Variants in STAP1 observed in about 807,000 individuals in gnomAD.
The protein encoded by STAP1 is signal transducing adaptor family member 1.
A neutral mutation model predicts 37.8 loss-of-function variants in STAP1; 30 were observed. That is an observed-to-expected ratio of 0.79 (90% CI 0.59 to 1.08). STAP1 has a LOEUF of 1.08. Among genes scored for constraint, STAP1 ranks in the 50% least tolerant of loss-of-function variants. STAP1 has a pLI of 0.00. For synonymous variants in STAP1, 130 were observed against 116.0 expected (o/e 1.12, Z -0.78); for missense variants, 357 against 349.4 (o/e 1.02, Z -0.17).
intron 8 of STAP1, among the ~76,000 whole-genome samples, chr4:67,600,870 C>T (rs539808402): frequency 5.3e-5 from 8 of 152,006 alleles, no homozygotes; most frequent in African/African-American, 1.5e-4. Flanking sequence ...TGTCTTTATA[C>T]GTGAAGTATG....
At chr4:67,576,307 T>C (rs1469902773) in intron 3 of STAP1, among the ~76,000 whole-genome samples, 1 of 152,182 alleles carries the variant, frequency 6.6e-6, no homozygotes, top group Non-Finnish European at 1.5e-5. Flanking sequence ...CTATAAAATT[T>C]ACTATTATGT....
chr4:67,596,544 A>G (rs1159104337), intron 8 of STAP1, among the ~76,000 whole-genome samples: 1 of 152,208 alleles, frequency 6.6e-6, no homozygotes, highest in Admixed American at 6.5e-5. Flanking sequence ...GGAACTTTCT[A>G]GAGACTTATT....
intron 1 of STAP1, among the ~76,000 whole-genome samples, chr4:67,568,141 A>C (rs955490392): frequency 7.2e-5 from 11 of 152,236 alleles, no homozygotes; most frequent in African/African-American, 1.4e-4. Flanking sequence ...TAGAGTCGTC[A>C]TTATTTGAGA....
chr4:67,570,279 C>T (rs886104286), intron 1 of STAP1, among the ~76,000 whole-genome samples: 3 of 152,008 alleles, frequency 2.0e-5, no homozygotes, highest in African/African-American at 7.2e-5. Flanking sequence ...ATTATATGTC[C>T]TATATTTTTG....
intron 4 of STAP1, among the ~76,000 whole-genome samples, 175 bp from the exon 5 acceptor site, chr4:67,581,130 G>A (rs939880904): frequency 6.6e-6 from 1 of 152,154 alleles, no homozygotes; most frequent in Non-Finnish European, 1.5e-5. Context: ...GTGCAGAGGC[G>A]GTTCTGAAAC....
rs750370913 is a variant in STAP1 at position 67,583,720 on chromosome 4, A to T, written c.659+18A>T. ...GAGATAGAGTATGTTTATTTTTTTT[A>T]AATGTATGGAATTTTTAAAAGCGTG... On this transcript the variant is annotated intron_variant, in intron 6 of 8. Coordinates refer to ENST00000265404, the MANE Select transcript of STAP1 (RefSeq NM_012108.4). 20 of 1,603,676 alleles carry T rather than the reference A, an allele frequency of 1.2e-5. No individual in the cohort carries two copies. The highest frequency in any genetic ancestry group is 1.1e-4 in the South Asian group (10 of 89,370).
At chr4:67,599,160 T>G (rs928701782) in intron 8 of STAP1, among the ~76,000 whole-genome samples, 12 of 152,220 alleles carry the variant, frequency 7.9e-5, no homozygotes, top group African/African-American at 2.9e-4. Context: ...ATCAGAGATA[T>G]TGGCTTGTAG....
At position 67,593,355 on chromosome 4, in the gene STAP1, T is replaced by C; in HGVS notation, c.825T>C (p.Thr275=). The C allele has an allele frequency of 6.3e-7, 1 of 1,597,794 alleles. No homozygotes were observed. The change falls in exon 8 of 9, where the codon ACT becomes ACC. Residue 275 remains threonine (T), a splice_region_variant and synonymous_variant. Transcript: ENST00000265404. ...TTATATGTTCAACTGATGAAAACAC[T>C]GGTATGTTTTTCACTTCATTGCTAT... is the stretch of plus-strand genomic sequence containing the variant. ...RPFICSTDEN[T]GQEPSMEGRS... is the part of the protein sequence containing the mutation.
chr4:67,587,944 G>A lies in STAP1; in HGVS notation c.660-2940G>A, dbSNP rs545303780. On this transcript the variant is annotated intron_variant, in intron 6 of 8. Coordinates refer to ENST00000265404, the MANE Select transcript of STAP1 (RefSeq NM_012108.4). Reference sequence around the variant, plus strand: ...TCTCCATGTTGGTCAGGCTGGTCTCGAACTCCTGACCTCAGATGATCCGCC... The same window carrying A: ...TCTCCATGTTGGTCAGGCTGGTCTCAAACTCCTGACCTCAGATGATCCGCC... Among the ~76,000 whole-genome samples the A allele has an allele frequency of 7.5e-4, 108 of 144,360 alleles. 1 individual carries two copies. The highest frequency in any genetic ancestry group is 2.4e-3 in the African/African-American group (95 of 38,952). The allele number at this position is 144,360 out of a possible 152,430, so 94.7% of individuals were successfully genotyped here.
chr4:67,597,771 A>T (rs1728257174), intron 8 of STAP1, among the ~76,000 whole-genome samples: 1 of 152,116 alleles, frequency 6.6e-6, no homozygotes, highest in African/African-American at 2.4e-5. Flanking sequence ...TGTTTTGGCC[A>T]ATTTCTCCCA....
intron 8 of STAP1, among the ~76,000 whole-genome samples, chr4:67,603,869 C>G (rs999452824): frequency 1.2e-4 from 19 of 152,070 alleles, no homozygotes; most frequent in African/African-American, 3.9e-4. Context: ...CCCTGGTCAC[C>G]CCAGCTGGTG....
At chr4:67,578,906 G>A (rs956048568) in intron 4 of STAP1, among the ~76,000 whole-genome samples, 7 of 149,514 alleles carry the variant, frequency 4.7e-5, no homozygotes, top group African/African-American at 1.7e-4. Context: ...TTGGCTCACT[G>A]CAACCTCCAC....
chr4:67,559,467 C>T (rs1415128106), intron 1 of STAP1, among the ~76,000 whole-genome samples: 2 of 151,996 alleles, frequency 1.3e-5, no homozygotes, highest in Non-Finnish European at 2.9e-5. Context: ...AAATACTATT[C>T]AAGATAGTGA....
In STAP1 at chr4:67,571,157, T is replaced by C; in HGVS notation, c.192+2T>C. On this transcript the variant is annotated splice_donor_variant, in intron 2 of 8. Transcript: ENST00000265404. LOFTEE classifies it high-confidence loss of function. ...TATACCGACAAAAAGAGTATAATAGTAAGTAAATATGTTGAGCTGATTCCA... is the reference window on the plus strand; with the variant it reads ...TATACCGACAAAAAGAGTATAATAGCAAGTAAATATGTTGAGCTGATTCCA... The C allele has an allele frequency of 6.3e-7, 1 of 1,579,776 alleles. No individual in the cohort carries two copies. Among genetic ancestry groups the C allele is most frequent in the Non-Finnish European group, 8.7e-7 (1 of 1,149,026 alleles).
chr4:67,577,184 T>C lies in STAP1; in HGVS notation c.307-19T>C, dbSNP rs1276996903. The stretch of plus-strand genomic sequence containing the variant: ...GTATTTCCTTCTTTGGCTTTATCTG[T>C]TTTTGTCTTCAACTTTAGACAGAGA... On this transcript the variant is annotated intron_variant, in intron 3 of 8. Coordinates refer to ENST00000265404, the MANE Select transcript of STAP1 (RefSeq NM_012108.4). 1.9e-6 allele frequency: 3 copies of C among 1,600,338 alleles called. No homozygotes were observed. Among genetic ancestry groups the C allele is most frequent in the Non-Finnish European group, 2.6e-6 (3 of 1,174,388 alleles).
intron 4 of STAP1, among the ~76,000 whole-genome samples, chr4:67,578,046 A>G (rs534869348): frequency 1.3e-5 from 2 of 152,214 alleles, no homozygotes; most frequent in Non-Finnish European, 2.9e-5. Context: ...AGAGACCATA[A>G]AAATGAAAAC....
At chr4:67,574,384 A>C (rs1390207707) in intron 2 of STAP1, among the ~76,000 whole-genome samples, 6 of 152,088 alleles carry the variant, frequency 3.9e-5, no homozygotes, top group African/African-American at 1.4e-4. Context: ...TGACATGAAT[A>C]TTTTCTAATA....
At chr4:67,569,115 C>A (rs765659349) in intron 1 of STAP1, among the ~76,000 whole-genome samples, 9 of 152,180 alleles carry the variant, frequency 5.9e-5, no homozygotes, top group Non-Finnish European at 1.2e-4. Flanking sequence ...TAGCCTATTG[C>A]TTCTTGGCTA....
intron 8 of STAP1, among the ~76,000 whole-genome samples, chr4:67,594,784 C>G (rs1728189256): frequency 6.6e-6 from 1 of 152,052 alleles, no homozygotes; most frequent in Non-Finnish European, 1.5e-5. Context: ...AAATATAACC[C>G]TACTGAATAA....
Sources: gnomAD v4.1 joint callset for allele counts (sites outside exome capture counted in the v4.1 genomes callset) on GRCh38, gnomAD v4.1.1 for gene constraint, MANE v1.5 for transcripts, NCBI Gene and HGNC (gene_info 2026-07-23, HGNC 2026-07-21) for gene names.